Variants in CPNE4 observed in about 807,000 individuals in gnomAD.
The protein encoded by CPNE4 is copine-4.
A neutral mutation model predicts 67.9 loss-of-function variants in CPNE4; 25 were observed. The ratio of observed to expected loss-of-function variants is 0.37; its 90% CI spans 0.27 to 0.51. CPNE4 has a LOEUF of 0.51. Among genes scored for constraint, CPNE4 ranks in the 20% least tolerant of loss-of-function variants. The probability of loss-of-function intolerance (pLI) is 0.93; values close to 1 mark genes in which losing one functional copy is unlikely to be tolerated. For missense variants in CPNE4, 464 were observed against 690.8 expected (o/e 0.67, Z 3.68); for synonymous variants, 242 against 244.9 (o/e 0.99, Z 0.11).
chr3:131,990,918 A>T (rs1309334057), intron 1 of CPNE4, among the ~76,000 whole-genome samples: 1 of 135,856 alleles, frequency 7.4e-6, no homozygotes, highest in African/African-American at 2.5e-5. Flanking sequence ...AATTCTCACA[A>T]GATCTGATGG....
intron 5 of CPNE4, among the ~76,000 whole-genome samples, chr3:131,689,807 G>T (rs1345093181): frequency 6.6e-6 from 1 of 152,126 alleles, no homozygotes; most frequent in Non-Finnish European, 1.5e-5. Flanking sequence ...TCTATACCTA[G>T]AAAACCCTAA....
chr3:131,952,155 G>A (rs1412610946), intron 1 of CPNE4, among the ~76,000 whole-genome samples: 2 of 150,326 alleles, frequency 1.3e-5, no homozygotes, highest in African/African-American at 4.9e-5. Flanking sequence ...TCTAGGAAGT[G>A]AGGAGCATCT....
intron 7 of CPNE4, among the ~76,000 whole-genome samples, chr3:131,649,351 TC>T (rs1289932266): frequency 6.6e-6 from 1 of 152,116 alleles, no homozygotes; most frequent in Non-Finnish European, 1.5e-5. Flanking sequence ...CTACAATGCA[TC>T]AGTGCTGAAG....
Position 131,542,718 on chromosome 3 carries a change from C to T in CPNE4, c.1378G>A (p.Ala460Thr), listed in dbSNP as rs1177386110. 1 of 1,614,020 alleles carries T rather than the reference C, an allele frequency of 6.2e-7. No individual in the cohort carries two copies. ...ATGACTGACATGGGGAGGTGGGAGG[C>T]ATGGACAATGGCCTCCCGGGTGTCG... ...MADTREAIVH[A>T]SHLPMSVIIV... The change falls in exon 15 of 16, where the codon GCC (alanine) becomes ACC (threonine). Residue 460 changes from alanine to threonine, a missense_variant. By Grantham distance (58) the Ala-to-Thr change is moderately conservative. Around this residue, in one of 6 missense-constraint regions of CPNE4, gnomAD observed 201 missense variants for 357.7 expected, o/e 0.56. Transcript: ENST00000429747.
intron 6 of CPNE4, among the ~76,000 whole-genome samples, chr3:131,680,760 G>T (rs957103804): frequency 3.3e-5 from 5 of 152,010 alleles, no homozygotes; most frequent in Admixed American, 3.3e-4. Flanking sequence ...GAGATTTGGT[G>T]CACCCATCAC....
chr3:131,888,916 A>T (rs2107736391), intron 2 of CPNE4, among the ~76,000 whole-genome samples: 1 of 152,306 alleles, frequency 6.6e-6, no homozygotes, highest in South Asian at 2.1e-4. Context: ...AATGGACCCA[A>T]GAATACTTGG....
rs11360041 is a variant in CPNE4 at position 131,656,053 on chromosome 3, C to CTT, written c.681+13620_681+13621dup. On this transcript the variant is annotated intron_variant, in intron 7 of 15. Coordinates refer to ENST00000429747, the MANE Select transcript of CPNE4 (RefSeq NM_130808.3). Reference sequence around the variant, plus strand: ...ACCAGATGTGGCCACAATACTGTTTCTTTTTTTTTTTTTTTTTGTGACTTG... The same window carrying CTT: ...ACCAGATGTGGCCACAATACTGTTTCTTTTTTTTTTTTTTTTTTTGTGACTTG... Among the ~76,000 whole-genome samples, 331 of 131,654 alleles carry CTT rather than the reference C, an allele frequency of 2.5e-3. 5 individuals carry two copies. The highest frequency in any genetic ancestry group is 8.1e-3 in the East Asian group (37 of 4,586). 86.4% of individuals were successfully genotyped at this position (131,654 alleles called of 152,430 possible).
intron 2 of CPNE4, among the ~76,000 whole-genome samples, chr3:131,831,902 T>C (rs1223440140): frequency 6.6e-6 from 1 of 152,198 alleles, no homozygotes; most frequent in Non-Finnish European, 1.5e-5. Flanking sequence ...GAGCAAATAG[T>C]GCCGATTTTG....
rs563004235 is a variant in CPNE4, at chr3:131,700,447, AT to A, written c.361-468del. On this transcript the variant is annotated intron_variant, in intron 3 of 15. Transcript: ENST00000429747. ...TTTTTAATATATTCATTAGGAAGTC[AT>A]AAAGTAAGTCATCAGAAAATTGATG... Among the ~76,000 whole-genome samples the A allele has an allele frequency of 3.7e-3, 559 of 152,336 alleles. 3 individuals are homozygous for A. The highest frequency in any genetic ancestry group is 0.012 in the African/African-American group (518 of 41,574).
rs1463900128 is a variant in CPNE4 at position 131,953,248 on chromosome 3, A to AT, written c.-1-47805_-1-47804insA. Among the ~76,000 whole-genome samples, 127 of 142,476 alleles carry AT rather than the reference A, an allele frequency of 8.9e-4. No individual in the cohort carries two copies. In the Middle Eastern group the frequency reaches 0.011, roughly 13 times the overall value. 93.5% of individuals were successfully genotyped at this position (142,476 alleles called of 152,430 possible). A position where few individuals can be genotyped will look rare whatever the true frequency, so the allele number is the denominator to read the frequency against. On this transcript the variant is annotated intron_variant, in intron 1 of 15. Coordinates refer to ENST00000429747, the MANE Select transcript of CPNE4 (RefSeq NM_130808.3). ...CCCAAGAATGATCAATTAAAAAAAA[A>AT]AAAAAAAAAAAAAAAAAAGAATGGT... is the stretch of plus-strand genomic sequence containing the variant.
intron 2 of CPNE4, among the ~76,000 whole-genome samples, chr3:131,771,401 G>A (rs1345849517): frequency 6.6e-6 from 1 of 152,000 alleles, no homozygotes; most frequent in African/African-American, 2.4e-5. Flanking sequence ...TTGGTCATGG[G>A]GTCAGATCCC....
intron 2 of CPNE4, among the ~76,000 whole-genome samples, chr3:131,753,315 TA>T (rs565199727): frequency 4.0e-4 from 60 of 151,780 alleles, no homozygotes; most frequent in Non-Finnish European, 7.5e-4. Context: ...AGTAAAACAA[TA>T]AAAAAAATTC....
intron 2 of CPNE4, among the ~76,000 whole-genome samples, chr3:131,897,215 T>A (rs538638522): frequency 6.6e-6 from 1 of 152,062 alleles, no homozygotes; most frequent in South Asian, 2.1e-4. Flanking sequence ...AACATGGGTA[T>A]TGGAGACACA....
intron 1 of CPNE4, among the ~76,000 whole-genome samples, chr3:131,961,013 G>C (rs2035096): frequency 0.39 from 58,775 of 151,952 alleles, 12,397 homozygotes; most frequent in Non-Finnish European, 0.48. Context: ...CAAACTCAGA[G>C]AGATGTCACA....
intron 4 of CPNE4, among the ~76,000 whole-genome samples, chr3:131,699,677 C>A (rs535772423): frequency 3.9e-5 from 6 of 152,340 alleles, no homozygotes; most frequent in African/African-American, 7.2e-5. Flanking sequence ...AATTAAATAA[C>A]CTTACTTTCA....
chr3:131,562,928 G>C (rs991623487), intron 11 of CPNE4, among the ~76,000 whole-genome samples: 1 of 151,956 alleles, frequency 6.6e-6, no homozygotes, highest in Non-Finnish European at 1.5e-5. Flanking sequence ...TTATCAGCAA[G>C]GGCCTGAGTG....
At chr3:131,707,787 C>T (rs771602220) in intron 3 of CPNE4, among the ~76,000 whole-genome samples, 104 of 152,142 alleles carry the variant, frequency 6.8e-4, no homozygotes, top group Non-Finnish European at 1.1e-3. Context: ...ACTCAAACCA[C>T]TACAAGGGCC....
chr3:131,865,367 T>C (rs2086896656), intron 2 of CPNE4, among the ~76,000 whole-genome samples: 1 of 151,984 alleles, frequency 6.6e-6, no homozygotes, highest in South Asian at 2.1e-4. Flanking sequence ...TAAGCTCTTA[T>C]ATTTGTAATG....
At chr3:131,742,924 A>T (rs570447508) in intron 2 of CPNE4, among the ~76,000 whole-genome samples, 1 of 152,316 alleles carries the variant, frequency 6.6e-6, no homozygotes, top group Admixed American at 6.5e-5. Context: ...GACTAAAAAT[A>T]TAGAAACTTA....
Sources: gnomAD v4.1 joint callset for allele counts (sites outside exome capture counted in the v4.1 genomes callset) on GRCh38, gnomAD v4.1.1 for gene constraint, gnomAD v4.1.1 regional missense constraint, MANE v1.5 for transcripts, NCBI Gene and HGNC (gene_info 2026-07-23, HGNC 2026-07-21) for gene names.